ERBB4: variants seen among roughly 807,000 people sequenced by gnomAD.
ERBB4 encodes the protein receptor tyrosine-protein kinase erbB-4.
Under a neutral mutation model 158.0 loss-of-function variants are expected in ERBB4, and 42 were observed. That is an observed-to-expected ratio of 0.27 (90% confidence interval 0.21 to 0.34). ERBB4 has a LOEUF of 0.34. Ranked by LOEUF, ERBB4 falls within the 10% of genes least tolerant of loss-of-function variation. The pLI, the probability that ERBB4 is intolerant of heterozygous loss-of-function variation, is 1.00. For synonymous variants in ERBB4, 583 were observed against 558.7 expected (o/e 1.04, Z -0.61); for missense variants, 1,333 against 1,624.1 (o/e 0.82, Z 3.08).
At chr2:212,209,427 A>G (rs2082864692) in intron 1 of ERBB4, among the ~76,000 whole-genome samples, 1 of 152,064 alleles carries the variant, frequency 6.6e-6, no homozygotes, top group Non-Finnish European at 1.5e-5. Flanking sequence ...TTGTTCTACT[A>G]CTGCAGTGAA....
At chr2:212,242,035 A>T (rs571223908) in intron 1 of ERBB4, among the ~76,000 whole-genome samples, 163 of 152,118 alleles carry the variant, frequency 1.1e-3, no homozygotes, top group Non-Finnish European at 8.5e-4. Context: ...AGGACATTTT[A>T]TATGCTATAG....
At chr2:212,107,055 C>T (rs989539467) in intron 2 of ERBB4, among the ~76,000 whole-genome samples, 7 of 152,200 alleles carry the variant, frequency 4.6e-5, no homozygotes, top group Admixed American at 2.0e-4. Flanking sequence ...GGGTGGGTGC[C>T]CCCAAACAAA....
chr2:212,229,928 G>T (rs1400497340), intron 1 of ERBB4, among the ~76,000 whole-genome samples: 1 of 152,138 alleles, frequency 6.6e-6, no homozygotes, highest in African/African-American at 2.4e-5. Flanking sequence ...GGAAGATTAT[G>T]ACTGTTGGCC....
chr2:211,768,535 T>TCCTTAGAAATCTA (rs1375333339), intron 4 of ERBB4, among the ~76,000 whole-genome samples: 1 of 152,172 alleles, frequency 6.6e-6, no homozygotes, highest in Admixed American at 6.5e-5. Context: ...TTTCCATACA[T>TCCTTAGAAATCTA]CCTTAGAAAT....
intron 16 of ERBB4, among the ~76,000 whole-genome samples, chr2:211,642,641 G>T (rs1275284549): frequency 2.6e-5 from 4 of 152,022 alleles, no homozygotes; most frequent in Non-Finnish European, 2.9e-5. Context: ...CTAGAATTTT[G>T]CCACAAACAC....
intron 1 of ERBB4, among the ~76,000 whole-genome samples, chr2:212,531,609 G>A (rs569868232): frequency 6.6e-6 from 1 of 152,184 alleles, no homozygotes; most frequent in African/African-American, 2.4e-5. Flanking sequence ...CTGGTGATGA[G>A]GAACCCACTG....
chr2:211,463,040 A>T (rs1347431671), intron 20 of ERBB4, among the ~76,000 whole-genome samples: 1 of 152,174 alleles, frequency 6.6e-6, no homozygotes, highest in Non-Finnish European at 1.5e-5. Context: ...TAGAATGAGT[A>T]AATTAGAAAT....
intron 4 of ERBB4, among the ~76,000 whole-genome samples, chr2:211,757,567 T>C (rs1381160560): frequency 9.9e-5 from 15 of 152,216 alleles, no homozygotes; most frequent in Admixed American, 9.8e-4. Flanking sequence ...TCAAGATTAA[T>C]TTCAAACAGA....
intron 20 of ERBB4, among the ~76,000 whole-genome samples, chr2:211,543,000 G>A (rs535085410): frequency 6.6e-6 from 1 of 151,974 alleles, no homozygotes; most frequent in South Asian, 2.1e-4. Flanking sequence ...AGAATAAGGC[G>A]ATCCATATTT....
chr2:211,912,965 T>G (rs937696739), intron 3 of ERBB4, among the ~76,000 whole-genome samples: 1 of 152,216 alleles, frequency 6.6e-6, no homozygotes, highest in African/African-American at 2.4e-5. Context: ...GTCTTGCCAC[T>G]AAAATCTGAT....
chr2:211,958,803 A>G (rs1220357231), intron 2 of ERBB4, among the ~76,000 whole-genome samples: 2 of 152,090 alleles, frequency 1.3e-5, no homozygotes, highest in Non-Finnish European at 2.9e-5. Flanking sequence ...ATTAGCTAAG[A>G]AAGAGTAATT....
intron 2 of ERBB4, among the ~76,000 whole-genome samples, chr2:212,114,354 G>C (rs546965713): frequency 1.1e-3 from 174 of 152,238 alleles, no homozygotes; most frequent in Admixed American, 3.0e-3. Flanking sequence ...ATCTGAGAAC[G>C]AGAGAAAGGT....
At chr2:211,727,541 T>C (rs1184681710) in intron 5 of ERBB4, among the ~76,000 whole-genome samples, 1 of 151,942 alleles carries the variant, frequency 6.6e-6, no homozygotes, top group African/African-American at 2.4e-5. Flanking sequence ...AATATATTTA[T>C]CAGAGAGATA....
At chr2:211,392,602 C>CACACACA (rs1559122679) in intron 25 of ERBB4, among the ~76,000 whole-genome samples, 1 of 121,760 alleles carries the variant, frequency 8.2e-6, no homozygotes, top group African/African-American at 3.1e-5. Flanking sequence ...ACACACACAC[C>CACACACA]CCAATAATGA....
intron 1 of ERBB4, among the ~76,000 whole-genome samples, chr2:212,244,236 AT>A (rs909582643): frequency 5.9e-5 from 9 of 152,002 alleles, no homozygotes; most frequent in South Asian, 2.1e-4. Flanking sequence ...TAATGAAATC[AT>A]TTTTTTTCCA....
intron 1 of ERBB4, among the ~76,000 whole-genome samples, chr2:212,305,840 A>G (rs192865473): frequency 6.6e-6 from 1 of 151,490 alleles, no homozygotes; most frequent in Non-Finnish European, 1.5e-5. Context: ...TGTTAAGTAC[A>G]CAAACTTAAT....
chr2:212,392,091 A>C (rs2090892934), intron 1 of ERBB4, among the ~76,000 whole-genome samples: 1 of 151,738 alleles, frequency 6.6e-6, no homozygotes, highest in African/African-American at 2.4e-5. Flanking sequence ...AAATGAATAT[A>C]AAAAGAAGGC....
intron 2 of ERBB4, among the ~76,000 whole-genome samples, chr2:211,978,610 G>T (rs1301283415): frequency 6.6e-6 from 1 of 152,088 alleles, no homozygotes. Context: ...GTCTTTAAAT[G>T]ACTATCTTCT....
intron 3 of ERBB4, among the ~76,000 whole-genome samples, chr2:211,814,667 G>C (rs74430542): frequency 0.014 from 2,108 of 152,054 alleles, 49 homozygotes; most frequent in African/African-American, 0.048. Context: ...CAAAGAAAAG[G>C]GTCCTTTGGT....
Sources: gnomAD v4.1 joint callset for allele counts (sites outside exome capture counted in the v4.1 genomes callset) on GRCh38, gnomAD v4.1.1 for gene constraint, MANE v1.5 for transcripts, NCBI Gene and HGNC (gene_info 2026-07-23, HGNC 2026-07-21) for gene names.